CABIN1: variants seen among roughly 807,000 people sequenced by gnomAD.
CABIN1 encodes calcineurin binding protein 1.
Under a neutral mutation model 227.7 loss-of-function variants are expected in CABIN1, and 133 were observed. That is an observed-to-expected ratio of 0.58 (90% CI 0.51 to 0.67). The LOEUF (loss-of-function observed/expected upper bound fraction) is 0.67. CABIN1 is among the 30% of genes least tolerant of loss of function. CABIN1 has a pLI of 0.00. For missense variants in CABIN1, 2,408 were observed against 2,852.5 expected, an observed-to-expected ratio of 0.84 and a Z score of 3.55; for synonymous variants, 1,086 against 1,155.1, an observed-to-expected ratio of 0.94 and a Z score of 1.21.
intron 25 of CABIN1, among the ~76,000 whole-genome samples, chr22:24,097,733 A>G (rs904578982): frequency 6.6e-6 from 1 of 152,228 alleles, no homozygotes; most frequent in African/African-American, 2.4e-5. Flanking sequence ...TTCTGAAGAA[A>G]GACTCTTTGG....
intron 28 of CABIN1, among the ~76,000 whole-genome samples, chr22:24,129,470 C>T (rs986314817): frequency 2.6e-5 from 4 of 152,244 alleles, no homozygotes; most frequent in African/African-American, 4.8e-5. Context: ...GCCCCACTCA[C>T]GCCCCATGGC....
intron 33 of CABIN1, among the ~76,000 whole-genome samples, chr22:24,170,752 G>GCGCC (rs763336462): frequency 8.6e-6 from 1 of 116,574 alleles, no homozygotes; most frequent in Non-Finnish European, 1.7e-5. Flanking sequence ...GTAGCAAACT[G>GCGCC]CCCCCCCCCC....
At chr22:24,156,627 G>T (rs955172082) in intron 29 of CABIN1, 1 of 152,436 alleles carries the variant, frequency 6.6e-6, no homozygotes, top group African/African-American at 2.4e-5. Flanking sequence ...GCGGTGCTTC[G>T]CTAGCTATAA....
Position 24,060,310 on chromosome 22 carries a change from C to T in CABIN1, c.1617+169C>T, listed in dbSNP as rs531073872. ...AGGAAGTCACTGAACCTAGTTTGTG[C>T]CTAGAAAGCTCCCTGATGGCTGAGT... On this transcript the variant is annotated intron_variant, in intron 12 of 36. Coordinates refer to ENST00000263119, the MANE Select transcript of CABIN1 (RefSeq NM_012295.4). 9.2e-5 allele frequency among the ~76,000 whole-genome samples: 14 copies of T among 152,206 alleles called. No homozygotes were observed. The South Asian group carries it at 2.3e-3, about 25-fold the overall frequency.
rs747873895 is a variant in CABIN1 at position 24,076,305 on chromosome 22, T to C, written c.2748+21T>C. 9.5e-6 allele frequency: 15 copies of C among 1,582,828 alleles called. No homozygotes were observed. The South Asian group carries it at 1.7e-4, about 18-fold the overall frequency. On this transcript the variant is annotated intron_variant, in intron 19 of 36. Coordinates refer to ENST00000263119, the MANE Select transcript of CABIN1 (RefSeq NM_012295.4). ...TCTATGTAAGTGCTTCCCCTTGGGC[T>C]GCAGACTGCCAGTGCGGGGCAGGGC...
At chr22:24,178,009 G>A in intron 36 of CABIN1, 44 bp from the exon 37 acceptor site, 1 of 1,611,032 alleles carries the variant, frequency 6.2e-7, no homozygotes, top group Non-Finnish European at 8.5e-7. Context: ...TTGGGGCAGA[G>A]CCCAGCCATC....
chr22:24,040,975 T>C (rs750967010), intron 4 of CABIN1, among the ~76,000 whole-genome samples, 164 bp from the exon 5 acceptor site: 2 of 152,152 alleles, frequency 1.3e-5, no homozygotes, highest in African/African-American at 4.8e-5. Context: ...GTAGGAGTGG[T>C]CTTATAAGAA....
intron 1 of CABIN1, among the ~76,000 whole-genome samples, chr22:24,018,904 A>T (rs1484215252): frequency 6.6e-6 from 1 of 152,084 alleles, no homozygotes; most frequent in Non-Finnish European, 1.5e-5. Context: ...AGGGGATGTC[A>T]TTTCATTTGT....
chr22:24,169,018 C>A (rs954026683), intron 33 of CABIN1, among the ~76,000 whole-genome samples: 4 of 152,110 alleles, frequency 2.6e-5, no homozygotes, highest in Admixed American at 2.6e-4. Context: ...AAGGCAGCAA[C>A]ACTCCTGAGT....
At chr22:24,130,526 A>G (rs1008894464) in intron 28 of CABIN1, among the ~76,000 whole-genome samples, 1 of 152,104 alleles carries the variant, frequency 6.6e-6, no homozygotes, top group African/African-American at 2.4e-5. Context: ...AGGAGGCATC[A>G]TGTTGCCTTA....
chr22:24,177,139 G>T lies in CABIN1; in HGVS notation c.6206-365G>T, dbSNP rs2047162171. Reference sequence around the variant, plus strand: ...TCTGGGCTTCAGTGTCCTCCCTGGGGCATAGACACCAATAGGACATGCATC... The same window carrying T: ...TCTGGGCTTCAGTGTCCTCCCTGGGTCATAGACACCAATAGGACATGCATC... On this transcript the variant is annotated intron_variant, in intron 35 of 36. Coordinates refer to ENST00000263119, the MANE Select transcript of CABIN1 (RefSeq NM_012295.4). This position sits in a 1 kb window ranked among gnomAD's most constrained non-coding sequence, Gnocchi z 4.4. Among the ~76,000 whole-genome samples, 3 of 152,240 alleles carry T rather than the reference G, an allele frequency of 2.0e-5. No individual in the cohort carries two copies. Among genetic ancestry groups the T allele is most frequent in the Admixed American group, 2.0e-4 (3 of 15,290 alleles).
intron 6 of CABIN1, among the ~76,000 whole-genome samples, chr22:24,048,122 G>A (rs1190854759): frequency 6.6e-6 from 1 of 152,160 alleles, no homozygotes; most frequent in South Asian, 2.1e-4. Context: ...ACATTAACTT[G>A]AGTGATGTAC....
intron 16 of CABIN1, 73 bp from the exon 17 acceptor site, chr22:24,070,727 T>C: frequency 6.2e-7 from 1 of 1,610,216 alleles, no homozygotes; most frequent in Non-Finnish European, 8.5e-7. Flanking sequence ...TTCCTTCAGT[T>C]GTCTCTGCTC....
At chr22:24,089,521 G>A (rs192256365) in intron 23 of CABIN1, among the ~76,000 whole-genome samples, 1 of 152,346 alleles carries the variant, frequency 6.6e-6, no homozygotes, top group East Asian at 1.9e-4. Flanking sequence ...TCCCGACAGG[G>A]AGGGAGGGAA....
chr22:24,092,352 T>C (rs2041602747), intron 24 of CABIN1, among the ~76,000 whole-genome samples: 1 of 152,200 alleles, frequency 6.6e-6, no homozygotes. Context: ...AGAGCAGTTC[T>C]TTACTCCCTG....
Position 24,070,934 on chromosome 22 carries a change from A to C in CABIN1, c.2367A>C (p.Gln789His). 2 of 1,614,170 alleles carry C rather than the reference A, an allele frequency of 1.2e-6. No homozygotes were observed. Among genetic ancestry groups the C allele is most frequent in the Non-Finnish European group, 1.7e-6 (2 of 1,180,008 alleles). ...AGGAGTGGGTGGCCACAGTGACCCA[A>C]CTGCTGATGGGCATCGAGCAGGCCC... ...AKEEWVATVT[Q>H]LLMGIEQALS... Residue 789 changes from glutamine (Q) to histidine (H), a missense_variant, in exon 17 of 37, where the codon CAA becomes CAC. Physicochemically the swap from Gln to His is conservative, Grantham distance 24. This residue lies in a region of CABIN1 where 1,045 missense variants were observed against 1,168.4 expected (regional missense o/e 0.89). Coordinates refer to ENST00000263119, the MANE Select transcript of CABIN1 (RefSeq NM_012295.4).
chr22:24,053,669 G>A (rs774677272), intron 8 of CABIN1, among the ~76,000 whole-genome samples: 21 of 152,148 alleles, frequency 1.4e-4, no homozygotes, highest in Non-Finnish European at 2.9e-4. Context: ...ATGAGTCACC[G>A]TGCCCAGCCT....
At chr22:24,153,465 A>G (rs1173234798) in intron 29 of CABIN1, among the ~76,000 whole-genome samples, 1 of 152,212 alleles carries the variant, frequency 6.6e-6, no homozygotes, top group Non-Finnish European at 1.5e-5. Flanking sequence ...CTTTGAGCCC[A>G]GAGAATCCTC....
intron 20 of CABIN1, 146 bp from the exon 21 acceptor site, chr22:24,084,432 TA>T: frequency 1.4e-6 from 1 of 709,200 alleles, no homozygotes; most frequent in Non-Finnish European, 2.4e-6. Flanking sequence ...TTTTTTTTTT[TA>T]AGTATAATGG....
Sources: allele counts gnomAD v4.1 joint callset (sites outside exome capture counted in the v4.1 genomes callset), GRCh38; gene constraint gnomAD v4.1.1; regional missense constraint gnomAD v4.1.1; non-coding constraint Gnocchi (gnomAD v3.1); transcripts MANE v1.5; gene names NCBI Gene and HGNC (gene_info 2026-07-23, HGNC 2026-07-21).